CCDC85A: variants seen among roughly 807,000 people sequenced by gnomAD.
CCDC85A encodes the protein coiled-coil domain containing 85A.
In CCDC85A, 38 loss-of-function variants were observed where a neutral mutation model predicts 50.2. The observed-to-expected ratio is 0.76, with a 90% CI of 0.58 to 0.99. CCDC85A has a LOEUF of 0.99. Ranked by LOEUF, CCDC85A falls within the 50% of genes least tolerant of loss-of-function variation. CCDC85A has a pLI of 0.00. For synonymous variants in CCDC85A, 366 were observed against 301.4 expected (o/e 1.21, Z -2.22); for missense variants, 820 against 742.0 (o/e 1.11, Z -1.22).
chr2:56,367,750 C>G (rs1675872763), intron 3 of CCDC85A, among the ~76,000 whole-genome samples: 1 of 152,106 alleles, frequency 6.6e-6, no homozygotes, highest in Admixed American at 6.6e-5. Flanking sequence ...AACATTCGGA[C>G]ATAAATTGAC....
intron 2 of CCDC85A, among the ~76,000 whole-genome samples, chr2:56,269,010 C>T (rs914120741): frequency 2.6e-5 from 4 of 152,062 alleles, no homozygotes; most frequent in African/African-American, 9.7e-5. Flanking sequence ...AGACTTGGAA[C>T]ACTTTTCCAT....
At chr2:56,230,834 C>T (rs764185203) in intron 2 of CCDC85A, among the ~76,000 whole-genome samples, 1 of 152,168 alleles carries the variant, frequency 6.6e-6, no homozygotes, top group Non-Finnish European at 1.5e-5. Flanking sequence ...CTGGCACCGG[C>T]CCTCTGGAAG....
intron 2 of CCDC85A, among the ~76,000 whole-genome samples, chr2:56,285,572 A>G (rs555510759): frequency 6.2e-5 from 9 of 145,738 alleles, no homozygotes; most frequent in South Asian, 2.1e-4. Flanking sequence ...ATAATATAAT[A>G]TAATTAATAA....
At chr2:56,297,786 T>C (rs1672021541) in intron 2 of CCDC85A, among the ~76,000 whole-genome samples, 1 of 152,148 alleles carries the variant, frequency 6.6e-6, no homozygotes, top group Non-Finnish European at 1.5e-5. Context: ...TGGAACTGGG[T>C]ATAGGACTTC....
At chr2:56,237,796 A>C (rs1208086453) in intron 2 of CCDC85A, among the ~76,000 whole-genome samples, 2 of 151,882 alleles carry the variant, frequency 1.3e-5, no homozygotes, top group Non-Finnish European at 2.9e-5. Context: ...TTGAATGCTG[A>C]ATATAGTGTC....
At chr2:56,271,142 T>C (rs547634919) in intron 2 of CCDC85A, among the ~76,000 whole-genome samples, 1 of 152,318 alleles carries the variant, frequency 6.6e-6, no homozygotes, top group South Asian at 2.1e-4. Flanking sequence ...GTACACTATG[T>C]CACTTCTCCT....
intron 2 of CCDC85A, among the ~76,000 whole-genome samples, chr2:56,212,349 A>C (rs1677212427): frequency 6.6e-6 from 1 of 152,014 alleles, no homozygotes; most frequent in African/African-American, 2.4e-5. Flanking sequence ...GCTTGGCATA[A>C]GTAGGGCTCT....
At chr2:56,346,679 A>C (rs977407524) in intron 3 of CCDC85A, among the ~76,000 whole-genome samples, 1 of 152,224 alleles carries the variant, frequency 6.6e-6, no homozygotes, top group African/African-American at 2.4e-5. Flanking sequence ...ATTATGTGCT[A>C]GTTATTATTA....
chr2:56,352,382 G>A (rs546980457), intron 3 of CCDC85A, among the ~76,000 whole-genome samples: 2 of 152,164 alleles, frequency 1.3e-5, no homozygotes, highest in South Asian at 4.1e-4. Flanking sequence ...ACAGGCACTC[G>A]CTCTACAGGC....
At chr2:56,372,541 A>G (rs1168730919) in intron 4 of CCDC85A, 63 bp downstream of exon 4, 6 of 1,420,958 alleles carry the variant, frequency 4.2e-6, no homozygotes, top group Non-Finnish European at 4.7e-6. Context: ...TTCTGTTGCT[A>G]GAGAAAAAGT....
chr2:56,210,136 C>G (rs1203798171), intron 2 of CCDC85A, among the ~76,000 whole-genome samples: 1 of 152,018 alleles, frequency 6.6e-6, no homozygotes, highest in Admixed American at 6.6e-5. Flanking sequence ...TGACTGTATG[C>G]TCGTTGGAAG....
At chr2:56,334,320 G>C (rs1369143587) in intron 2 of CCDC85A, among the ~76,000 whole-genome samples, 1 of 152,142 alleles carries the variant, frequency 6.6e-6, no homozygotes, top group Non-Finnish European at 1.5e-5. Flanking sequence ...TATTGGGTGA[G>C]GAAGTGTTGT....
Position 56,385,446 on chromosome 2 carries a change from T to A in CCDC85A, c.*1091T>A, listed in dbSNP as rs532399871. ...TTATTTCTTATTTTTGGTATACATA[T>A]ACATATATATAACATTAGAATGTGT... is the stretch of plus-strand genomic sequence containing the variant. On this transcript the variant is annotated 3_prime_UTR_variant, in exon 6 of 6. Coordinates refer to ENST00000407595, the MANE Select transcript of CCDC85A (RefSeq NM_001080433.2). 1.3e-5 allele frequency: 2 copies of A among 152,218 alleles called. No individual in the cohort carries two copies. Among genetic ancestry groups the A allele is most frequent in the Non-Finnish European group, 2.9e-5 (2 of 67,818 alleles). 9.4% of individuals were successfully genotyped at this position (152,218 alleles called of 1,614,324 possible).
chr2:56,285,957 C>G (rs1221839868), intron 2 of CCDC85A, among the ~76,000 whole-genome samples: 1 of 151,858 alleles, frequency 6.6e-6, no homozygotes, highest in Non-Finnish European at 1.5e-5. Flanking sequence ...TTTTCAACCT[C>G]AGATTTGAAG....
chr2:56,383,312 T>G (rs1676676697), intron 5 of CCDC85A, among the ~76,000 whole-genome samples: 2 of 151,974 alleles, frequency 1.3e-5, no homozygotes, highest in South Asian at 2.1e-4. Flanking sequence ...GTCAGAGTGT[T>G]GTAAAGTTTT....
chr2:56,257,967 G>A (rs1388595375), intron 2 of CCDC85A, among the ~76,000 whole-genome samples: 1 of 152,152 alleles, frequency 6.6e-6, no homozygotes, highest in Non-Finnish European at 1.5e-5. Flanking sequence ...TCATCAGTAA[G>A]GGCTGTTCTT....
chr2:56,366,569 G>A (rs1675805764), intron 3 of CCDC85A, among the ~76,000 whole-genome samples: 1 of 152,118 alleles, frequency 6.6e-6, no homozygotes, highest in Non-Finnish European at 1.5e-5. Context: ...TGTCTATTCA[G>A]GTCCTTTGCT....
intron 3 of CCDC85A, among the ~76,000 whole-genome samples, chr2:56,367,701 C>G (rs1480456662): frequency 6.6e-6 from 1 of 152,126 alleles, no homozygotes; most frequent in African/African-American, 2.4e-5. Flanking sequence ...GGGGCCAAAT[C>G]ACCCCCGCCC....
chr2:56,231,788 C>G (rs1383724282), intron 2 of CCDC85A, among the ~76,000 whole-genome samples: 1 of 152,094 alleles, frequency 6.6e-6, no homozygotes, highest in African/African-American at 2.4e-5. Flanking sequence ...TTTGTAGTTA[C>G]TGTTTTCACT....
Sources: allele counts gnomAD v4.1 joint callset (sites outside exome capture counted in the v4.1 genomes callset), GRCh38; gene constraint gnomAD v4.1.1; transcripts MANE v1.5; gene names NCBI Gene and HGNC (gene_info 2026-07-23, HGNC 2026-07-21).